SLIT2: variants seen among roughly 807,000 people sequenced by gnomAD.
SLIT2 encodes slit homolog 2 protein.
SLIT2 carries 41 observed loss-of-function variants against 185.7 expected under a neutral mutation model. The observed-to-expected ratio is 0.22, with a 90% CI of 0.17 to 0.29. The LOEUF is 0.29. SLIT2 is among the 10% of genes least tolerant of loss of function. The pLI is 1.00. For synonymous variants in SLIT2, 693 were observed against 680.2 expected (o/e 1.02, Z -0.29); for missense variants, 1,571 against 1,909.0 (o/e 0.82, Z 3.30).
At chr4:20,334,984 G>T (rs1720375101) in intron 4 of SLIT2, among the ~76,000 whole-genome samples, 1 of 152,138 alleles carries the variant, frequency 6.6e-6, no homozygotes, top group Non-Finnish European at 1.5e-5. Context: ...ATCCTCTCAT[G>T]CAGTGTCATC....
At chr4:20,518,255 AT>A (rs1260071971) in intron 11 of SLIT2, among the ~76,000 whole-genome samples, 1,328 of 87,450 alleles carry the variant, frequency 0.015, 36 homozygotes, top group African/African-American at 0.041. Context: ...ATATATATAT[AT>A]TTTTTTTTTT....
intron 4 of SLIT2, among the ~76,000 whole-genome samples, chr4:20,280,378 G>T (rs1210326352): frequency 1.3e-5 from 2 of 149,632 alleles, no homozygotes; most frequent in South Asian, 4.2e-4. Context: ...AAACCAAAAA[G>T]CTTTCACTAG....
chr4:20,263,810 A>C (rs932315499), intron 3 of SLIT2, among the ~76,000 whole-genome samples: 1 of 151,902 alleles, frequency 6.6e-6, no homozygotes, highest in African/African-American at 2.4e-5. Flanking sequence ...GCACTTAAAT[A>C]ACTATTATTC....
chr4:20,340,725 T>G (rs949134455), intron 4 of SLIT2, among the ~76,000 whole-genome samples: 2 of 152,020 alleles, frequency 1.3e-5, no homozygotes, highest in African/African-American at 4.8e-5. Context: ...CTCAGCCTCC[T>G]GAGTAGCTGG....
chr4:20,514,776 A>G (rs1201804829), intron 11 of SLIT2, among the ~76,000 whole-genome samples: 1 of 151,246 alleles, frequency 6.6e-6, no homozygotes, highest in African/African-American at 2.4e-5. Flanking sequence ...TTTTTTATTA[A>G]CATTATCATT....
chr4:20,347,913 C>CA (rs144658873), intron 4 of SLIT2, among the ~76,000 whole-genome samples: 2 of 152,132 alleles, frequency 1.3e-5, no homozygotes, highest in African/African-American at 4.8e-5. Flanking sequence ...CACTAGAAAG[C>CA]CATGGAAGGA....
At chr4:20,319,129 T>G (rs766774010) in intron 4 of SLIT2, among the ~76,000 whole-genome samples, 3 of 152,186 alleles carry the variant, frequency 2.0e-5, no homozygotes, top group South Asian at 4.1e-4. Context: ...ACTGTTGTTA[T>G]TATTTTACAT....
intron 4 of SLIT2, among the ~76,000 whole-genome samples, chr4:20,291,474 ATATATATATATATATATATTTTTTT>A (rs1340175698): frequency 0.02 from 230 of 11,724 alleles, no homozygotes; most frequent in Admixed American, 0.029. Flanking sequence ...ATATATATAT[ATATATATATATATATATATTTTTTT>A]TTTTTTTTTT....
intron 4 of SLIT2, among the ~76,000 whole-genome samples, chr4:20,401,443 G>A (rs1212123654): frequency 6.6e-6 from 1 of 151,846 alleles, no homozygotes; most frequent in Non-Finnish European, 1.5e-5. Flanking sequence ...TGCCTTTGGT[G>A]AATGATATTT....
intron 9 of SLIT2, among the ~76,000 whole-genome samples, chr4:20,510,264 G>A (rs1719585501): frequency 6.6e-6 from 1 of 151,984 alleles, no homozygotes; most frequent in South Asian, 2.1e-4. Flanking sequence ...TGGATATGTA[G>A]TACTTAAAAA....
At chr4:20,456,625 AT>A (rs1306562780) in intron 4 of SLIT2, among the ~76,000 whole-genome samples, 1 of 152,086 alleles carries the variant, frequency 6.6e-6, no homozygotes, top group East Asian at 1.9e-4. Flanking sequence ...ATAGGATCAC[AT>A]TTTTTATGTG....
At chr4:20,472,345 TAG>T (rs1364199946) in intron 5 of SLIT2, among the ~76,000 whole-genome samples, 83 of 54,510 alleles carry the variant, frequency 1.5e-3, no homozygotes, top group East Asian at 8.1e-3. Flanking sequence ...GATCTATATA[TAG>T]ATATAGATAT....
intron 4 of SLIT2, among the ~76,000 whole-genome samples, chr4:20,375,638 AGT>A (rs1191625260): frequency 6.6e-6 from 1 of 152,058 alleles, no homozygotes; most frequent in Non-Finnish European, 1.5e-5. Context: ...ATAAGTTGAA[AGT>A]GTTAACTTCT....
intron 4 of SLIT2, among the ~76,000 whole-genome samples, chr4:20,327,739 A>T (rs558803894): frequency 4.3e-4 from 65 of 152,178 alleles, no homozygotes; most frequent in Non-Finnish European, 7.5e-4. Context: ...ACGATGTATG[A>T]AAACTTGAAG....
chr4:20,273,121 T>C (rs563021121), intron 4 of SLIT2, among the ~76,000 whole-genome samples: 1 of 152,222 alleles, frequency 6.6e-6, no homozygotes, highest in East Asian at 1.9e-4. Context: ...ATCAATTAAT[T>C]TGTTCAGCAT....
rs549218642 is a variant in SLIT2, at chr4:20,541,434, G to A, written c.1977-19G>A. 2.6e-5 allele frequency: 42 copies of A among 1,612,430 alleles called. No individual in the cohort carries two copies. Among genetic ancestry groups the A allele is most frequent in the Middle Eastern group, 3.3e-4 (2 of 6,070 alleles). On this transcript the variant is annotated intron_variant, in intron 19 of 36. Transcript: ENST00000504154. ...GAAACCCCAGGCTAAACTGTGCATC[G>A]TTTGCCTGTGGCTCTTAGAAACCTC... is the stretch of plus-strand genomic sequence containing the variant.
At chr4:20,256,559 T>TAAGGGGCC (rs1711864613) in intron 1 of SLIT2, 113 bp from the exon 2 acceptor site, 2 of 586,486 alleles carry the variant, frequency 3.4e-6, no homozygotes, top group African/African-American at 3.8e-5. Flanking sequence ...ACATACTTTG[T>TAAGGGGCC]ATACTACTTT....
intron 7 of SLIT2, among the ~76,000 whole-genome samples, chr4:20,487,075 G>A (rs1255146414): frequency 2.0e-5 from 3 of 151,970 alleles, no homozygotes; most frequent in African/African-American, 7.2e-5. Flanking sequence ...CTGATAGCTT[G>A]TAACTGGAAA....
intron 4 of SLIT2, among the ~76,000 whole-genome samples, chr4:20,383,253 T>A (rs534189923): frequency 6.6e-6 from 1 of 152,224 alleles, no homozygotes; most frequent in East Asian, 1.9e-4. Context: ...TAAACATTCG[T>A]CCTCTCCAAA....
Sources: gnomAD v4.1 joint callset for allele counts (sites outside exome capture counted in the v4.1 genomes callset) on GRCh38, gnomAD v4.1.1 for gene constraint, MANE v1.5 for transcripts, NCBI Gene and HGNC (gene_info 2026-07-23, HGNC 2026-07-21) for gene names.